The following ETFB variants were observed in gnomAD, a reference collection of about 807,000 sequenced individuals.
The protein encoded by ETFB is beta-ETF.
A neutral mutation model predicts 25.6 loss-of-function variants in ETFB; 20 were observed. The observed-to-expected ratio is 0.78, with a 90% CI of 0.55 to 1.14. The LOEUF (loss-of-function observed/expected upper bound fraction) is 1.14. ETFB is among the 50% of genes most tolerant of loss of function. The probability of loss-of-function intolerance (pLI) is 0.00; values close to 1 mark genes in which losing one functional copy is unlikely to be tolerated. For missense variants in ETFB, 286 were observed against 342.6 expected, an observed-to-expected ratio of 0.83 and a Z score of 1.30; for synonymous variants, 142 against 146.7, an observed-to-expected ratio of 0.97 and a Z score of 0.23.
At chr19:51,357,485 TC>T (rs1250163968) in intron 1 of ETFB, among the ~76,000 whole-genome samples, 30 of 82,682 alleles carry the variant, frequency 3.6e-4, no homozygotes, top group African/African-American at 1.6e-3. Context: ...TTTTTTTCTT[TC>T]TTTCTTTTTT....
intron 3 of ETFB, among the ~76,000 whole-genome samples, chr19:51,351,104 C>T (rs1406707104): frequency 6.6e-6 from 1 of 152,228 alleles, no homozygotes; most frequent in Non-Finnish European, 1.5e-5. Context: ...AGGAGTCCCA[C>T]CCTATGTGGC....
intron 3 of ETFB, among the ~76,000 whole-genome samples, chr19:51,352,156 A>C (rs1599841401): frequency 6.6e-6 from 1 of 152,018 alleles, no homozygotes; most frequent in African/African-American, 2.4e-5. Flanking sequence ...GTCCTCACCC[A>C]GCCCTAACCT....
chr19:51,353,275 C>T lies in ETFB; in HGVS notation c.232G>A (p.Ala78Thr), dbSNP rs548046212. 25 of 1,614,004 alleles carry T rather than the reference C, an allele frequency of 1.5e-5. No homozygotes were observed. Among genetic ancestry groups the T allele is most frequent in the African/African-American group, 5.3e-5 (4 of 75,022 alleles). The part of the protein sequence containing the change: ...PAQCQETIRT[A>T]LAMGADRGIH... ...CCTCGGTCTGCACCCATGGCCAGGGCGGTACGAATCGTCTCCTGCCAAGGA... is the reference window on the plus strand; with the variant it reads ...CCTCGGTCTGCACCCATGGCCAGGGTGGTACGAATCGTCTCCTGCCAAGGA... Residue 78 changes from alanine (A) to threonine (T), a missense_variant, in exon 3 of 6, where the codon GCC becomes ACC. Ala to Thr is a moderately conservative substitution (Grantham distance 58, BLOSUM62 0). Coordinates refer to ENST00000309244, the MANE Select transcript of ETFB (RefSeq NM_001985.3).
At chr19:51,345,518 G>T in intron 5 of ETFB, 137 bp from the exon 6 acceptor site, 1 of 876,236 alleles carries the variant, frequency 1.1e-6, no homozygotes, top group Non-Finnish European at 1.8e-6. Flanking sequence ...GCCAGGACAC[G>T]CGAAACTTCT....
chr19:51,345,184 A>G lies in ETFB; in HGVS notation c.*27T>C, dbSNP rs1230180585. On this transcript the variant is annotated 3_prime_UTR_variant, in exon 6 of 6. Coordinates refer to ENST00000309244, the MANE Select transcript of ETFB (RefSeq NM_001985.3). ...TTAACAGAGATAGATGTTGAGAGTC[A>G]GTTTTATTGCCATCTCTGGGAGGGG... The G allele has an allele frequency of 1.2e-6, 2 of 1,610,878 alleles. No homozygotes were observed. Among genetic ancestry groups the G allele is most frequent in the African/African-American group, 1.3e-5 (1 of 74,876 alleles).
chr19:51,360,040 T>C (rs1186102389), intron 1 of ETFB, among the ~76,000 whole-genome samples: 1 of 150,940 alleles, frequency 6.6e-6, no homozygotes, highest in Non-Finnish European at 1.5e-5. Context: ...AGTTTTATAA[T>C]TGAGGTAAAT....
intron 1 of ETFB, chr19:51,356,361 TACTG>T (rs1319579125): frequency 2.0e-5 from 3 of 152,140 alleles, no homozygotes; most frequent in African/African-American, 7.2e-5. Context: ...CAGTGACCAA[TACTG>T]ACCCTGCCTA....
chr19:51,361,446 T>C (rs1599846636), intron 1 of ETFB, among the ~76,000 whole-genome samples: 2 of 151,888 alleles, frequency 1.3e-5, no homozygotes, highest in African/African-American at 4.8e-5. Flanking sequence ...GTCCCTGAGG[T>C]GACATGTGAG....
chr19:51,351,082 A>G (rs1985923676), intron 3 of ETFB, among the ~76,000 whole-genome samples: 1 of 152,222 alleles, frequency 6.6e-6, no homozygotes, highest in African/African-American at 2.4e-5. Flanking sequence ...TGCCCTCTGT[A>G]TAAAGCCTCT....
At chr19:51,350,760 C>T (rs754963898) in intron 3 of ETFB, among the ~76,000 whole-genome samples, 6 of 152,068 alleles carry the variant, frequency 3.9e-5, no homozygotes, top group East Asian at 1.9e-4. Context: ...CATGAGTCAC[C>T]GCAGCCAGTC....
At chr19:51,364,424 C>T (rs1015818126) in intron 1 of ETFB, among the ~76,000 whole-genome samples, 2 of 152,168 alleles carry the variant, frequency 1.3e-5, no homozygotes, top group Non-Finnish European at 2.9e-5. Flanking sequence ...TGATTCAACG[C>T]GGCCTTCACG....
Sources: gnomAD v4.1 joint callset for allele counts (sites outside exome capture counted in the v4.1 genomes callset) on GRCh38, gnomAD v4.1.1 for gene constraint, MANE v1.5 for transcripts, NCBI Gene and HGNC (gene_info 2026-07-23, HGNC 2026-07-21) for gene names.